PEAK1: variants seen among roughly 807,000 people sequenced by gnomAD.
PEAK1 encodes pseudopodium enriched atypical kinase 1, also known as inactive tyrosine-protein kinase PEAK1.
Under a neutral mutation model 124.7 loss-of-function variants are expected in PEAK1, and 54 were observed. The ratio of observed to expected loss-of-function variants is 0.43; its 90% CI spans 0.35 to 0.54. PEAK1 has a LOEUF of 0.54. Ranked by LOEUF, PEAK1 falls within the 20% of genes least tolerant of loss-of-function variation. The probability of loss-of-function intolerance (pLI) is 0.01; values close to 1 mark genes in which losing one functional copy is unlikely to be tolerated. For synonymous variants in PEAK1, 719 were observed against 760.0 expected (o/e 0.95, Z 0.89); for missense variants, 2,046 against 2,134.5 (o/e 0.96, Z 0.82).
Position 77,179,066 on chromosome 15 carries a change from C to A in PEAK1, c.2861G>T (p.Gly954Val), listed in dbSNP as rs2057067750. Residue 954 changes from glycine (G) to valine (V), a missense_variant, in exon 7 of 10, where the codon GGC becomes GTC. Coordinates refer to ENST00000682557, the MANE Select transcript of PEAK1 (RefSeq NM_001385026.1). ...EKEREKGKLV[G>V]LDGTVIHMLP... The stretch of plus-strand genomic sequence containing the variant: ...CATGTGAATGACTGTGCCATCCAGG[C>A]CCACCAGTTTCCCTTTCTCTCGCTC... 7.4e-6 allele frequency: 12 copies of A among 1,614,118 alleles called. No individual in the cohort carries two copies. Among genetic ancestry groups the A allele is most frequent in the Non-Finnish European group, 8.5e-6 (10 of 1,180,012 alleles).
chr15:77,148,347 C>T (rs910956997), intron 8 of PEAK1, among the ~76,000 whole-genome samples: 8 of 152,106 alleles, frequency 5.3e-5, no homozygotes, highest in African/African-American at 1.9e-4. Flanking sequence ...AATTACACAA[C>T]AAATTGTCCA....
chr15:77,221,031 C>T (rs2059365602), intron 6 of PEAK1, among the ~76,000 whole-genome samples: 1 of 152,048 alleles, frequency 6.6e-6, no homozygotes, highest in Admixed American at 6.6e-5. Flanking sequence ...AAGTATTCTA[C>T]TATGAGGATA....
At position 77,258,102 on chromosome 15, in the gene PEAK1, A is replaced by C. The variant is rs149479026; in HGVS notation, c.-274-5576T>G. ...ATTGATCTATATCTCTATTTTGGTA[A>C]CAGTACCATGCTGTTTTGGTTACTG... On this transcript the variant is annotated intron_variant, in intron 5 of 9. Transcript: ENST00000682557. 9.4e-3 allele frequency among the ~76,000 whole-genome samples: 1,435 copies of C among 152,104 alleles called. 24 individuals are homozygous for C. Among genetic ancestry groups the C allele is most frequent in the African/African-American group, 0.032 (1,318 of 41,484 alleles).
At position 77,381,165 on chromosome 15, in the gene PEAK1, G is replaced by A. The variant is rs1341117843; in HGVS notation, c.-665-15940C>T. On this transcript the variant is annotated intron_variant, in intron 1 of 9. Transcript: ENST00000682557. ...TAACATGCTAAAAATCATGTTTTAA[G>A]ATTAATAACCTAAAAAGCTAATCTA... The A allele has an allele frequency of 7.4e-6, 7 of 943,936 alleles. No homozygotes were observed. In the East Asian group the frequency reaches 5.8e-4, roughly 78 times the overall value. 58.5% of individuals were successfully genotyped at this position (943,936 alleles called of 1,614,324 possible). A position where few individuals can be genotyped will look rare whatever the true frequency, so the allele number is the denominator to read the frequency against.
chr15:77,125,218 C>T (rs954917551), intron 9 of PEAK1, among the ~76,000 whole-genome samples: 6 of 152,054 alleles, frequency 3.9e-5, no homozygotes, highest in Admixed American at 2.0e-4. Context: ...CCATGGTCCC[C>T]GCCATGGAAA....
chr15:77,207,399 T>A (rs894306089), intron 6 of PEAK1, among the ~76,000 whole-genome samples: 4 of 152,236 alleles, frequency 2.6e-5, no homozygotes, highest in African/African-American at 4.8e-5. Context: ...ATGCTTACAG[T>A]AGTTTTAGTC....
Position 77,110,593 on chromosome 15 carries a change from C to T in PEAK1, c.*3563G>A, listed in dbSNP as rs2050924870. 1.3e-5 allele frequency: 2 copies of T among 152,124 alleles called. No homozygotes were observed. Among genetic ancestry groups the T allele is most frequent in the Admixed American group, 6.5e-5 (1 of 15,268 alleles). 9.4% of individuals were successfully genotyped at this position (152,124 alleles called of 1,614,324 possible). A position where few individuals can be genotyped will look rare whatever the true frequency, so the allele number is the denominator to read the frequency against. On this transcript the variant is annotated 3_prime_UTR_variant, in exon 10 of 10. Transcript: ENST00000682557. ...CTACTCCAACTGTTAAAATCCTAACCAATATGTTTTACTTCTAGCTCCTCA... is the reference window on the plus strand; with the variant it reads ...CTACTCCAACTGTTAAAATCCTAACTAATATGTTTTACTTCTAGCTCCTCA...
rs372985997 is a variant in PEAK1, at chr15:77,179,157, G to A, written c.2770C>T (p.Arg924Cys). ...SRRAADAKPK[R>C]WISFKSFFRR... ...AAGAAGCTTTTAAATGATATCCAGC[G>A]CTTAGGTTTTGCATCAGCTGCCCGC... Residue 924 changes from arginine (R) to cysteine (C), a missense_variant, in exon 7 of 10, where the codon CGC becomes TGC. Transcript: ENST00000682557. 1.8e-5 allele frequency: 29 copies of A among 1,613,994 alleles called. No homozygotes were observed. The highest frequency in any genetic ancestry group is 5.3e-5 in the African/African-American group (4 of 74,916).
rs2053045170 is a variant in PEAK1 at position 77,133,387 on chromosome 15, G to T, written c.3695C>A (p.Ala1232Glu). The T allele has an allele frequency of 6.2e-7, 1 of 1,614,094 alleles. No individual in the cohort carries two copies. The highest frequency in any genetic ancestry group is 1.7e-5 in the Admixed American group (1 of 60,002). Residue 1232 changes from alanine (A) to glutamate (E), a missense_variant, in exon 9 of 10, where the codon GCA becomes GAA. Ala to Glu is a moderately radical substitution (Grantham distance 107). Transcript: ENST00000682557. This position sits in a 1 kb window ranked among gnomAD's most constrained non-coding sequence, Gnocchi z 4.2. ...LRKERPVPSAANSISSLTTLS... is the reference protein window; with the variant it reads ...LRKERPVPSAENSISSLTTLS... ...AGTGGTTAAGCTGGAAATGCTGTTTGCTGCTGAGGGGACAGGTCTCTCCTT... is the reference window on the plus strand; with the variant it reads ...AGTGGTTAAGCTGGAAATGCTGTTTTCTGCTGAGGGGACAGGTCTCTCCTT...
chr15:77,218,460 A>G (rs753899520), intron 6 of PEAK1, among the ~76,000 whole-genome samples: 8 of 152,114 alleles, frequency 5.3e-5, no homozygotes, highest in Admixed American at 1.3e-4. Context: ...TGTTAAACCA[A>G]CACTGCAACC....
intron 1 of PEAK1, among the ~76,000 whole-genome samples, chr15:77,411,986 T>C (rs1290750314): frequency 6.6e-6 from 1 of 152,212 alleles, no homozygotes; most frequent in Non-Finnish European, 1.5e-5. Context: ...ATTTGTCTTA[T>C]AAATTTATGG....
At chr15:77,331,381 C>T (rs867561860) in intron 2 of PEAK1, among the ~76,000 whole-genome samples, 7 of 152,092 alleles carry the variant, frequency 4.6e-5, no homozygotes, top group African/African-American at 9.6e-5. Context: ...CCACCTGCCT[C>T]GGCCTCCCAA....
At chr15:77,130,931 G>T (rs2052802113) in intron 9 of PEAK1, among the ~76,000 whole-genome samples, 1 of 152,200 alleles carries the variant, frequency 6.6e-6, no homozygotes, top group Non-Finnish European at 1.5e-5. Context: ...AGCTCCATAA[G>T]ATGGGTGCCA....
Position 77,358,707 on chromosome 15 carries a change from G to A in PEAK1, c.-603+6456C>T, listed in dbSNP as rs971947743. ...TCACAACATAGTGAAAAAGTACAAA[G>A]TGCAGTGATAGCTTAGCAATCAACT... On this transcript the variant is annotated intron_variant, in intron 2 of 9. Transcript: ENST00000682557. 2.7e-4 allele frequency among the ~76,000 whole-genome samples: 41 copies of A among 152,208 alleles called. 2 individuals are homozygous for A. The highest frequency in any genetic ancestry group is 2.7e-3 in the Admixed American group (41 of 15,276).
intron 5 of PEAK1, among the ~76,000 whole-genome samples, chr15:77,276,419 C>T (rs1404236089): frequency 6.6e-6 from 1 of 152,078 alleles, no homozygotes; most frequent in Non-Finnish European, 1.5e-5. Flanking sequence ...CCACGGAAGC[C>T]AGAAGGAACT....
In PEAK1 at chr15:77,180,180, T is replaced by A; in HGVS notation, c.1747A>T (p.Ile583Phe). The A allele has an allele frequency of 6.2e-7, 1 of 1,614,102 alleles. No homozygotes were observed. Among genetic ancestry groups the A allele is most frequent in the East Asian group, 2.2e-5 (1 of 44,876 alleles). Reference protein sequence around the residue: ...PTATNISSKTIPVKSPNLSEI... With the variant: ...PTATNISSKTFPVKSPNLSEI... ...GACAAATTAGGTGACTTAACAGGGA[T>A]GGTTTTGGAGGAAATGTTTGTAGCT... Residue 583 changes from isoleucine to phenylalanine, a missense_variant, in exon 7 of 10, where the codon ATC becomes TTC. Coordinates refer to ENST00000682557, the MANE Select transcript of PEAK1 (RefSeq NM_001385026.1).
chr15:77,320,664 AT>A (rs577164325), intron 2 of PEAK1, among the ~76,000 whole-genome samples: 3 of 151,798 alleles, frequency 2.0e-5, no homozygotes, highest in South Asian at 2.1e-4. Context: ...TTCCCCCAGC[AT>A]TTTTTTTATT....
At chr15:77,132,854 C>G (rs2052992621) in intron 9 of PEAK1, 151 bp downstream of exon 9, 4 of 690,220 alleles carry the variant, frequency 5.8e-6, no homozygotes, top group Non-Finnish European at 9.5e-6. Flanking sequence ...TAAATAAGCC[C>G]CCTGCTTAAT....
intron 1 of PEAK1, chr15:77,401,640 T>C (rs1040935643): frequency 2.3e-5 from 23 of 984,992 alleles, no homozygotes; most frequent in Non-Finnish European, 2.7e-5. Context: ...CAGAATGTTA[T>C]TCATTAGAAC....
Sources: gnomAD v4.1 joint callset for allele counts (sites outside exome capture counted in the v4.1 genomes callset) on GRCh38, gnomAD v4.1.1 for gene constraint, Gnocchi (gnomAD v3.1) non-coding constraint, MANE v1.5 for transcripts, NCBI Gene and HGNC (gene_info 2026-07-23, HGNC 2026-07-21) for gene names.